NRG3: variants seen among roughly 807,000 people sequenced by gnomAD.
The protein encoded by NRG3 is pro-neuregulin-3, membrane-bound isoform.
A neutral mutation model predicts 66.9 loss-of-function variants in NRG3; 31 were observed. That is an observed-to-expected ratio of 0.46 (90% CI 0.35 to 0.63). The LOEUF is 0.63. Among genes scored for constraint, NRG3 ranks in the 20% least tolerant of loss-of-function variants. The pLI is 0.00. For synonymous variants in NRG3, 393 were observed against 359.4 expected (o/e 1.09, Z -1.06); for missense variants, 910 against 878.9 (o/e 1.04, Z -0.45).
intron 2 of NRG3, among the ~76,000 whole-genome samples, chr10:82,436,709 G>A (rs973819776): frequency 3.3e-5 from 5 of 152,112 alleles, no homozygotes; most frequent in Non-Finnish European, 7.3e-5. Context: ...CTTCTTTCAG[G>A]AACCCCTGCA....
At chr10:82,497,027 A>G (rs1311608881) in intron 2 of NRG3, among the ~76,000 whole-genome samples, 2 of 152,110 alleles carry the variant, frequency 1.3e-5, no homozygotes, top group South Asian at 2.1e-4. Flanking sequence ...CAGTTACAGG[A>G]CTAGCTACCA....
chr10:82,180,165 T>G (rs77322795), intron 1 of NRG3, among the ~76,000 whole-genome samples: 1 of 151,920 alleles, frequency 6.6e-6, no homozygotes, highest in East Asian at 1.9e-4. Context: ...CCTTAGGAGT[T>G]TCTTCATATA....
At chr10:82,132,540 T>TATATGATATATATATGATATATATATC (rs2068996923) in intron 1 of NRG3, among the ~76,000 whole-genome samples, 1 of 130,178 alleles carries the variant, frequency 7.7e-6, no homozygotes, top group African/African-American at 3.1e-5. Flanking sequence ...ATATATGATA[T>TATATGATATATATATGATATATATATC]ATATATATCT....
intron 3 of NRG3, among the ~76,000 whole-genome samples, chr10:82,829,914 C>T (rs995573507): frequency 7.9e-5 from 12 of 152,172 alleles, no homozygotes; most frequent in Admixed American, 1.3e-4. Flanking sequence ...GAGTCCCCGT[C>T]AATGAGATAC....
intron 2 of NRG3, among the ~76,000 whole-genome samples, chr10:82,632,660 A>C (rs999336842): frequency 6.6e-6 from 1 of 152,200 alleles, no homozygotes; most frequent in Non-Finnish European, 1.5e-5. Flanking sequence ...TTTCCTTGGT[A>C]TCTAGCAATT....
intron 2 of NRG3, among the ~76,000 whole-genome samples, chr10:82,580,678 A>C (rs928759564): frequency 2.0e-5 from 3 of 151,910 alleles, no homozygotes; most frequent in Non-Finnish European, 4.4e-5. Flanking sequence ...TATTTTTATC[A>C]CTTAATGATA....
At chr10:82,573,868 G>A (rs1465947106) in intron 2 of NRG3, among the ~76,000 whole-genome samples, 1 of 151,738 alleles carries the variant, frequency 6.6e-6, no homozygotes, top group African/African-American at 2.4e-5. Context: ...GCTTCCTTCA[G>A]AAGACAACAT....
At position 82,417,973 on chromosome 10, in the gene NRG3, G is replaced by C. The variant is rs1033334082; in HGVS notation, c.953+59105G>C. Among the ~76,000 whole-genome samples the C allele has an allele frequency of 2.0e-5, 3 of 152,206 alleles. No homozygotes were observed. In the East Asian group the frequency reaches 5.8e-4, roughly 29 times the overall value. ...AGACTAGAATAGTTAGTGTTATTTT[G>C]TGAAAGGAAATTTCAATTTAACCAG... On this transcript the variant is annotated intron_variant, in intron 2 of 8. Coordinates refer to ENST00000372141, the MANE Select transcript of NRG3 (RefSeq NM_001010848.4).
intron 1 of NRG3, among the ~76,000 whole-genome samples, chr10:82,161,387 T>C (rs2071585542): frequency 6.6e-6 from 1 of 152,122 alleles, no homozygotes; most frequent in African/African-American, 2.4e-5. Context: ...GAGCATGAAA[T>C]CTTGTTTTAA....
chr10:82,822,132 T>G (rs1436344902), intron 3 of NRG3, among the ~76,000 whole-genome samples: 3 of 152,158 alleles, frequency 2.0e-5, no homozygotes, highest in Non-Finnish European at 4.4e-5. Context: ...CAGCTCTGTT[T>G]CTCAGAGATG....
At chr10:82,738,014 T>C (rs2058239083) in intron 2 of NRG3, among the ~76,000 whole-genome samples, 1 of 150,978 alleles carries the variant, frequency 6.6e-6, no homozygotes, top group African/African-American at 2.4e-5. Context: ...CCTTGCCGGA[T>C]AAAATGCTGT....
chr10:82,234,384 G>A (rs970029139), intron 1 of NRG3, among the ~76,000 whole-genome samples: 1 of 152,132 alleles, frequency 6.6e-6, no homozygotes. Flanking sequence ...CAGTTTGTCT[G>A]TTTCCTTCAA....
intron 2 of NRG3, among the ~76,000 whole-genome samples, chr10:82,535,486 A>C (rs899343412): frequency 1.3e-5 from 2 of 152,092 alleles, no homozygotes; most frequent in African/African-American, 2.4e-5. Context: ...AGAATTTTCT[A>C]TTTTGAGATA....
chr10:82,568,611 G>A (rs2045555905), intron 2 of NRG3, among the ~76,000 whole-genome samples: 1 of 151,674 alleles, frequency 6.6e-6, no homozygotes, highest in African/African-American at 2.4e-5. Flanking sequence ...CTCAGAAGAG[G>A]TGAGTTAGGC....
chr10:82,856,613 C>T (rs1164407036), intron 3 of NRG3, among the ~76,000 whole-genome samples: 2 of 151,546 alleles, frequency 1.3e-5, no homozygotes, highest in Non-Finnish European at 2.9e-5. Flanking sequence ...GGCATGGTGG[C>T]CGTGCCTGTA....
At chr10:82,220,278 G>A (rs2075879054) in intron 1 of NRG3, among the ~76,000 whole-genome samples, 1 of 151,762 alleles carries the variant, frequency 6.6e-6, no homozygotes, top group African/African-American at 2.4e-5. Flanking sequence ...TATAATTAAG[G>A]CACCTAACAA....
At chr10:82,650,608 T>C (rs1470488137) in intron 2 of NRG3, among the ~76,000 whole-genome samples, 1 of 152,212 alleles carries the variant, frequency 6.6e-6, no homozygotes, top group Admixed American at 6.5e-5. Context: ...TTGCTACTGA[T>C]TGCATGTCAT....
intron 1 of NRG3, among the ~76,000 whole-genome samples, chr10:82,178,454 T>C (rs566902239): frequency 7.9e-5 from 12 of 152,254 alleles, no homozygotes; most frequent in African/African-American, 2.9e-4. Flanking sequence ...TTTAGATACT[T>C]TATATAAGTG....
chr10:82,634,446 GT>G (rs74757765), intron 2 of NRG3, among the ~76,000 whole-genome samples: 13,825 of 152,138 alleles, frequency 0.091, 733 homozygotes, highest in East Asian at 0.22. Flanking sequence ...ATCTTCAGAA[GT>G]TTAGAGGTAA....
Sources: allele counts gnomAD v4.1 joint callset (sites outside exome capture counted in the v4.1 genomes callset), GRCh38; gene constraint gnomAD v4.1.1; transcripts MANE v1.5; gene names NCBI Gene and HGNC (gene_info 2026-07-23, HGNC 2026-07-21).